The following PRKDC variants were observed in gnomAD, a reference collection of about 807,000 sequenced individuals.
PRKDC encodes protein kinase, DNA-activated, catalytic subunit.
PRKDC carries 82 observed loss-of-function variants against 486.9 expected under a neutral mutation model. That is an observed-to-expected ratio of 0.17 (90% CI 0.14 to 0.20). The LOEUF (loss-of-function observed/expected upper bound fraction) is 0.20, where lower values mean the gene tolerates loss of function less well. PRKDC is among the 10% of genes least tolerant of loss of function. The pLI, the probability that PRKDC is intolerant of heterozygous loss-of-function variation, is 1.00. For synonymous variants in PRKDC, 1,895 were observed against 1,837.0 expected (o/e 1.03, Z -0.81); for missense variants, 4,504 against 5,038.2 (o/e 0.89, Z 3.21).
chr8:47,821,537 A>G (rs1459906029), intron 65 of PRKDC, 67 bp downstream of exon 65: 2 of 1,477,186 alleles, frequency 1.4e-6, no homozygotes, highest in Non-Finnish European at 1.8e-6. Context: ...TGTTTTAAAC[A>G]ATTTTGTTAA....
At chr8:47,893,424 C>A (rs561373013) in intron 30 of PRKDC, 37 bp from the exon 31 acceptor site, 1 of 1,427,106 alleles carries the variant, frequency 7.0e-7, no homozygotes, top group East Asian at 2.5e-5. Flanking sequence ...CACACATATA[C>A]CTACATTTCT....
intron 21 of PRKDC, among the ~76,000 whole-genome samples, chr8:47,922,602 A>G (rs932345561): frequency 6.6e-6 from 1 of 151,850 alleles, no homozygotes; most frequent in Non-Finnish European, 1.5e-5. Context: ...GAGCCACTGC[A>G]CCCAGCCTGC....
At chr8:47,888,010 C>T (rs753973759) in intron 34 of PRKDC, among the ~76,000 whole-genome samples, 3 of 152,082 alleles carry the variant, frequency 2.0e-5, no homozygotes, top group Non-Finnish European at 4.4e-5. Context: ...TCCGCGGCAC[C>T]CACTCCTGGA....
chr8:47,918,558 G>A (rs1049120013), intron 21 of PRKDC, among the ~76,000 whole-genome samples, 175 bp from the exon 22 acceptor site: 1 of 152,156 alleles, frequency 6.6e-6, no homozygotes, highest in African/African-American at 2.4e-5. Flanking sequence ...AAACATCACT[G>A]TCTGCCAAAA....
chr8:47,784,965 A>C (rs2086766170), intron 77 of PRKDC, 148 bp downstream of exon 77: 2 of 747,458 alleles, frequency 2.7e-6, no homozygotes, highest in Non-Finnish European at 4.4e-6. Context: ...GATTTTCCTA[A>C]TGATGAAAAA....
chr8:47,844,302 G>A (rs2154500016), intron 54 of PRKDC, among the ~76,000 whole-genome samples: 1 of 152,242 alleles, frequency 6.6e-6, no homozygotes, highest in East Asian at 1.9e-4. Context: ...GACAAAAAAG[G>A]ACATTACATA....
Position 47,779,017 on chromosome 8 carries a change from T to C in PRKDC, c.11566A>G (p.Met3856Val). 1 of 1,595,858 alleles carries C rather than the reference T, an allele frequency of 6.3e-7. No individual in the cohort carries two copies. The highest frequency in any genetic ancestry group is 8.5e-7 in the Non-Finnish European group (1 of 1,170,982). The change falls in exon 81 of 86, where the codon ATG (methionine) becomes GTG (valine). Residue 3856 changes from methionine (M) to valine (V), a missense_variant. Physicochemically the swap from Met to Val is conservative, Grantham distance 21. Around this residue, in one of 6 missense-constraint regions of PRKDC, gnomAD observed 706 missense variants for 945.0 expected, o/e 0.75. Transcript: ENST00000314191. ...MSGKHDVGAY[M>V]LMYKGANRTE... ...AACCAAACTTACTTATACATTAGCA[T>C]GTAAGCTCCAACATCATGTTTTCCT...
chr8:47,862,469 ATGG>A lies in PRKDC; in HGVS notation c.5820_5822del (p.His1941del). 1 of 1,613,942 alleles carries A rather than the reference ATGG, an allele frequency of 6.2e-7. No individual in the cohort carries two copies. The highest frequency in any genetic ancestry group is 8.5e-7 in the Non-Finnish European group (1 of 1,179,850). On this transcript the variant is annotated inframe_deletion, in exon 43 of 86. Coordinates refer to ENST00000314191, the MANE Select transcript of PRKDC (RefSeq NM_006904.7). ...ATATGGCGCAGTTGTATGCTGCACA[ATGG>A]TAAAGTCTTCTCCTCTCCAGCAGCT...
chr8:47,775,486 C>T (rs1243132212), intron 85 of PRKDC, among the ~76,000 whole-genome samples: 2 of 150,462 alleles, frequency 1.3e-5, no homozygotes, highest in Non-Finnish European at 2.9e-5. Context: ...ATTCTCCTGC[C>T]TCAGCCTCCC....
intron 80 of PRKDC, among the ~76,000 whole-genome samples, chr8:47,781,682 C>G (rs938019991): frequency 4.5e-4 from 68 of 152,156 alleles, no homozygotes; most frequent in African/African-American, 1.6e-3. Context: ...AAAAAAGCAT[C>G]CACATCATGA....
chr8:47,840,752 C>A (rs1313644787), intron 54 of PRKDC, among the ~76,000 whole-genome samples: 1 of 152,156 alleles, frequency 6.6e-6, no homozygotes, highest in Non-Finnish European at 1.5e-5. Context: ...TAGCACCCAG[C>A]TGAATGCTTC....
chr8:47,820,216 CA>C (rs1476586445), intron 66 of PRKDC, among the ~76,000 whole-genome samples: 5 of 152,136 alleles, frequency 3.3e-5, no homozygotes, highest in African/African-American at 1.2e-4. Context: ...AGTTCAAGAC[CA>C]GCCTGGCCAA....
At chr8:47,951,191 CT>C (rs2090619503) in intron 7 of PRKDC, among the ~76,000 whole-genome samples, 1 of 151,970 alleles carries the variant, frequency 6.6e-6, no homozygotes, top group South Asian at 2.1e-4. Context: ...GAAACCATGT[CT>C]CTTCAAAAAG....
At chr8:47,942,238 G>A (rs2154504072) in intron 10 of PRKDC, among the ~76,000 whole-genome samples, 1 of 152,278 alleles carries the variant, frequency 6.6e-6, no homozygotes. Context: ...AGCAAGTAAG[G>A]CCAGCCAAGT....
intron 40 of PRKDC, among the ~76,000 whole-genome samples, chr8:47,874,280 T>A (rs1563778682): frequency 6.6e-6 from 1 of 152,038 alleles, no homozygotes; most frequent in Non-Finnish European, 1.5e-5. Context: ...ATTAAGAGTA[T>A]AACTGGATTA....
intron 40 of PRKDC, among the ~76,000 whole-genome samples, chr8:47,874,376 G>A (rs2089040648): frequency 6.6e-6 from 1 of 150,990 alleles, no homozygotes; most frequent in South Asian, 2.2e-4. Context: ...GTATCAAAGT[G>A]TGATTATTAC....
chr8:47,916,113 G>A (rs946556266), intron 22 of PRKDC, among the ~76,000 whole-genome samples: 2 of 152,050 alleles, frequency 1.3e-5, no homozygotes, highest in African/African-American at 4.8e-5. Context: ...CATTATATAT[G>A]CAAAAAATCA....
chr8:47,811,410 A>G (rs2087322819), intron 68 of PRKDC, among the ~76,000 whole-genome samples: 1 of 152,240 alleles, frequency 6.6e-6, no homozygotes, highest in African/African-American at 2.4e-5. Context: ...AAGAACTGCT[A>G]AACGAAGATT....
chr8:47,808,504 C>T (rs908624005), intron 68 of PRKDC, among the ~76,000 whole-genome samples: 2 of 151,944 alleles, frequency 1.3e-5, no homozygotes, highest in Non-Finnish European at 2.9e-5. Context: ...CACTATATTG[C>T]CCAGCCTGTA....
Sources: gnomAD v4.1 joint callset for allele counts (sites outside exome capture counted in the v4.1 genomes callset) on GRCh38, gnomAD v4.1.1 for gene constraint, gnomAD v4.1.1 regional missense constraint, MANE v1.5 for transcripts, NCBI Gene and HGNC (gene_info 2026-07-23, HGNC 2026-07-21) for gene names.